EPS8L2: variants seen among roughly 807,000 people sequenced by gnomAD.
The protein encoded by EPS8L2 is epidermal growth factor receptor kinase substrate 8-like protein 2.
EPS8L2 carries 81 observed loss-of-function variants against 99.4 expected under a neutral mutation model. That is an observed-to-expected ratio of 0.82 (90% CI 0.68 to 0.98). The LOEUF (loss-of-function observed/expected upper bound fraction) is 0.98. Ranked by LOEUF, EPS8L2 falls within the 50% of genes least tolerant of loss-of-function variation. The pLI, the probability that EPS8L2 is intolerant of heterozygous loss-of-function variation, is 0.00. For missense variants in EPS8L2, 1,155 were observed against 968.8 expected (o/e 1.19, Z -2.55); for synonymous variants, 509 against 407.3 (o/e 1.25, Z -3.01).
chr11:726,858 C>T (rs1447453117), intron 20 of EPS8L2, 43 bp from the exon 21 acceptor site: 1 of 1,598,748 alleles, frequency 6.3e-7, no homozygotes, highest in East Asian at 2.2e-5. Context: ...CACCCAGACA[C>T]GTGGGACCCC....
chr11:722,456 T>C lies in EPS8L2; in HGVS notation c.1115T>C (p.Leu372Pro), dbSNP rs1425651425. 7 of 1,613,218 alleles carry C rather than the reference T, an allele frequency of 4.3e-6. No homozygotes were observed. Among genetic ancestry groups the C allele is most frequent in the Non-Finnish European group, 5.9e-6 (7 of 1,179,902 alleles). Residue 372 changes from leucine to proline, a missense_variant, in exon 13 of 21, where the codon CTC becomes CCC. Coordinates refer to ENST00000318562, the MANE Select transcript of EPS8L2 (RefSeq NM_022772.4). ...GCACGCTCCGTCTCCTGCCCACTGC[T>C]CTCCCGAGATGCCGTGGACTTCCTG... ...DIARSVSCPL[L>P]SRDAVDFLRG...
At chr11:719,266 C>A (rs1862095035) in intron 4 of EPS8L2, among the ~76,000 whole-genome samples, 1 of 152,268 alleles carries the variant, frequency 6.6e-6, no homozygotes, top group African/African-American at 2.4e-5. Context: ...CGCGCCCGGC[C>A]ACACAAACTT....
chr11:715,049 T>C (rs1317237177), intron 4 of EPS8L2, among the ~76,000 whole-genome samples: 12 of 152,138 alleles, frequency 7.9e-5, no homozygotes, highest in Admixed American at 1.3e-4. Flanking sequence ...AAGACCATTC[T>C]GGCTAACATG....
At chr11:710,154 C>G (rs185291412) in intron 3 of EPS8L2, 3 of 468,478 alleles carry the variant, frequency 6.4e-6, no homozygotes, top group Admixed American at 7.2e-5. Flanking sequence ...AGAAACCCCC[C>G]GGGCACAGGC....
rs1224560402 is a variant in EPS8L2, at chr11:724,708, C to G, written c.1455-16C>G. 1.0e-5 allele frequency: 16 copies of G among 1,603,244 alleles called. No individual in the cohort carries two copies. The highest frequency in any genetic ancestry group is 2.2e-5 in the East Asian group (1 of 44,846). On this transcript the variant is annotated splice_polypyrimidine_tract_variant and intron_variant, in intron 15 of 20. Coordinates refer to ENST00000318562, the MANE Select transcript of EPS8L2 (RefSeq NM_022772.4). The surrounding 1 kb of genome is among the most constrained non-coding windows in gnomAD (Gnocchi z 5.5). ...CCCCCACCAGACTGGGCCTCAGCCC[C>G]TCCTGTTCCTCACAGGGGCTACCAG... is the stretch of plus-strand genomic sequence containing the variant.
chr11:720,282 C>A, intron 5 of EPS8L2, 59 bp downstream of exon 5: 2 of 1,565,808 alleles, frequency 1.3e-6, no homozygotes, highest in South Asian at 1.1e-5. Flanking sequence ...TGGCAGCCAC[C>A]GGCTGCAGCC....
At chr11:726,238 G>T (rs572172600) in intron 18 of EPS8L2, 66 bp from the exon 19 acceptor site, 8 of 1,566,428 alleles carry the variant, frequency 5.1e-6, no homozygotes, top group East Asian at 4.7e-5. Context: ...GTGTGGGGGG[G>T]GTCCCTGGGC....
intron 5 of EPS8L2, 114 bp downstream of exon 5, chr11:720,337 C>G: frequency 8.2e-7 from 1 of 1,215,506 alleles, no homozygotes; most frequent in Non-Finnish European, 1.1e-6. Context: ...CATGCCCTAT[C>G]ATTCTGGTCC....
At chr11:710,155 G>A (rs1861846685) in intron 3 of EPS8L2, 4 of 468,548 alleles carry the variant, frequency 8.5e-6, no homozygotes, top group South Asian at 4.8e-5. Context: ...GAAACCCCCC[G>A]GGCACAGGCT....
intron 16 of EPS8L2, among the ~76,000 whole-genome samples, chr11:725,242 G>T (rs1862282876): frequency 2.0e-5 from 3 of 152,254 alleles, no homozygotes; most frequent in African/African-American, 7.2e-5. Flanking sequence ...GCCTGGCTCG[G>T]CGGCTCACGC....
chr11:720,600 GAGC>G lies in EPS8L2; in HGVS notation c.332_334del (p.Glu111_Leu112delinsVal). The G allele has an allele frequency of 6.3e-7, 1 of 1,599,672 alleles. No individual in the cohort carries two copies. The highest frequency in any genetic ancestry group is 8.5e-7 in the Non-Finnish European group (1 of 1,174,910). On this transcript the variant is annotated inframe_deletion, in exon 6 of 21. Coordinates refer to ENST00000318562, the MANE Select transcript of EPS8L2 (RefSeq NM_022772.4). Reference sequence around the variant, plus strand: ...TGTCCGCGCGATGTACCCGCAGGAGGAGCTGGAAGACTTCCCGCTGCCCACGGT... The same window carrying G: ...TGTCCGCGCGATGTACCCGCAGGAGGTGGAAGACTTCCCGCTGCCCACGGT...
chr11:727,670 G>C lies in EPS8L2; in HGVS notation c.*689G>C, dbSNP rs987948332. 2.6e-5 allele frequency: 4 copies of C among 152,956 alleles called. No individual in the cohort carries two copies. Among genetic ancestry groups the C allele is most frequent in the African/African-American group, 9.6e-5 (4 of 41,456 alleles). The allele number at this position is 152,956 out of a possible 1,614,324, so 9.5% of individuals were successfully genotyped here. On this transcript the variant is annotated 3_prime_UTR_variant, in exon 21 of 21. Transcript: ENST00000318562. ...GCCTGGACTTGAGTCTCACCCTACA[G>C]ATGAGAGGTGGCTGAGGCACCAGGG...
intron 16 of EPS8L2, 54 bp from the exon 17 acceptor site, chr11:725,674 G>C: frequency 2.3e-6 from 3 of 1,286,624 alleles, no homozygotes; most frequent in Non-Finnish European, 2.9e-6. Flanking sequence ...CCAGCGGGTG[G>C]TCCCAGCCCC....
intron 3 of EPS8L2, 112 bp from the exon 4 acceptor site, chr11:710,310 C>A: frequency 9.7e-7 from 1 of 1,027,830 alleles, no homozygotes; most frequent in East Asian, 2.4e-5. Context: ...AAGAGGTCCA[C>A]GGAGCAGCCT....
Position 715,622 on chromosome 11 carries a change from T to G in EPS8L2, c.166-4440T>G, listed in dbSNP as rs1047611494. ...TTCACTTTATCTTTTTCTTTTGTTT[T>G]TTTTTTTTTTTTTTTTGAAATGGAG... On this transcript the variant is annotated intron_variant, in intron 4 of 20. Transcript: ENST00000318562. Among the ~76,000 whole-genome samples the G allele has an allele frequency of 5.6e-5, 8 of 143,598 alleles. No individual in the cohort carries two copies. The East Asian group carries it at 7.8e-4, about 14-fold the overall frequency. The allele number at this position is 143,598 out of a possible 152,430, so 94.2% of individuals were successfully genotyped here.
chr11:726,040 C>A, intron 17 of EPS8L2, 58 bp from the exon 18 acceptor site: 1 of 1,308,184 alleles, frequency 7.6e-7, no homozygotes, highest in Non-Finnish European at 1.1e-6. Flanking sequence ...AGGTCCCGGG[C>A]AGGTGCTGGG....
intron 4 of EPS8L2, 68 bp from the exon 5 acceptor site, chr11:719,994 G>GC: frequency 6.7e-7 from 1 of 1,498,208 alleles, no homozygotes. Context: ...TCAGGCTGTG[G>GC]CCCCTGGGGG....
At chr11:710,363 C>T (rs1861852106) in intron 3 of EPS8L2, 59 bp from the exon 4 acceptor site, 12 of 1,556,924 alleles carry the variant, frequency 7.7e-6, no homozygotes, top group Non-Finnish European at 1.1e-5. Flanking sequence ...CCAGTCCCAA[C>T]TGGACGGGAG....
Position 726,913 on chromosome 11 carries a change from G to A in EPS8L2, c.2080G>A (p.Gly694Arg). Residue 694 changes from glycine (G) to arginine (R), a missense_variant, in exon 21 of 21, where the codon GGG (glycine) becomes AGG (arginine). Gly to Arg is a moderately radical substitution (Grantham distance 125, BLOSUM62 -2). Transcript: ENST00000318562. ...TTCTCCTCCCTAGAAGCAGCAAAGT[G>A]GGTCGGAGCTGGAAGAACTCATGAA... is the stretch of plus-strand genomic sequence containing the variant. ...QKAFLEKQQS[G>R]SELEELMNKF... 1 of 1,613,134 alleles carries A rather than the reference G, an allele frequency of 6.2e-7. No homozygotes were observed. Among genetic ancestry groups the A allele is most frequent in the Non-Finnish European group, 8.5e-7 (1 of 1,179,816 alleles).
Sources: allele counts gnomAD v4.1 joint callset (sites outside exome capture counted in the v4.1 genomes callset), GRCh38; gene constraint gnomAD v4.1.1; non-coding constraint Gnocchi (gnomAD v3.1); transcripts MANE v1.5; gene names NCBI Gene and HGNC (gene_info 2026-07-23, HGNC 2026-07-21).